Variants in SLC28A1 observed in about 807,000 individuals in gnomAD.
SLC28A1 encodes sodium/nucleoside cotransporter 1.
SLC28A1 carries 64 observed loss-of-function variants against 74.8 expected under a neutral mutation model. The ratio of observed to expected loss-of-function variants is 0.86; its 90% CI spans 0.70 to 1.05. The LOEUF (loss-of-function observed/expected upper bound fraction) is 1.05. SLC28A1 is among the 50% of genes least tolerant of loss of function. The probability of loss-of-function intolerance (pLI) is 0.00; values close to 1 mark genes in which losing one functional copy is unlikely to be tolerated. For synonymous variants in SLC28A1, 359 were observed against 335.0 expected (o/e 1.07, Z -0.78); for missense variants, 828 against 822.8 (o/e 1.01, Z -0.08).
chr15:84,901,161 C>T lies in SLC28A1; in HGVS notation c.462-2936C>T, dbSNP rs190489646. Among the ~76,000 whole-genome samples, 25 of 151,942 alleles carry T rather than the reference C, an allele frequency of 1.6e-4. 1 individual carries two copies. The East Asian group carries it at 4.1e-3, about 25-fold the overall frequency. Reference sequence around the variant, plus strand: ...CGCTTGAACGTGGGAGGCAGAGCCACGGTGCCTGGCCTTGTCATAAATCTT... The same window carrying T: ...CGCTTGAACGTGGGAGGCAGAGCCATGGTGCCTGGCCTTGTCATAAATCTT... On this transcript the variant is annotated intron_variant, in intron 6 of 18. Transcript: ENST00000394573.
At chr15:84,945,011 A>C (rs1252731185) in intron 18 of SLC28A1, 114 bp from the exon 19 acceptor site, 2 of 1,135,582 alleles carry the variant, frequency 1.8e-6, no homozygotes, top group Non-Finnish European at 1.3e-6. Context: ...TCGAGGACCA[A>C]TGGAGGAAGG....
intron 12 of SLC28A1, among the ~76,000 whole-genome samples, chr15:84,929,830 C>T (rs1230865915): frequency 6.6e-6 from 1 of 152,242 alleles, no homozygotes. Flanking sequence ...CCATTACACT[C>T]CAGCCTGGGT....
intron 2 of SLC28A1, chr15:84,887,310 C>T: frequency 4.1e-6 from 4 of 977,808 alleles, no homozygotes; most frequent in Non-Finnish European, 4.9e-6. Flanking sequence ...TCTTTACTTT[C>T]CTTCCCTATG....
intron 9 of SLC28A1, among the ~76,000 whole-genome samples, chr15:84,913,936 A>G (rs1023688304): frequency 1.3e-5 from 2 of 151,922 alleles, no homozygotes; most frequent in Non-Finnish European, 2.9e-5. Context: ...AGCTCTCTGG[A>G]GCCTCTTTTA....
downstream of SLC28A1, among the ~76,000 whole-genome samples, chr15:84,949,847 G>A (rs537309641): frequency 1.9e-4 from 28 of 150,334 alleles, no homozygotes; most frequent in Non-Finnish European, 3.7e-4. Context: ...GATCATAAAG[G>A]CACTATCTCT....
intron 9 of SLC28A1, among the ~76,000 whole-genome samples, chr15:84,916,991 G>A (rs994921166): frequency 1.5e-5 from 2 of 130,354 alleles, no homozygotes; most frequent in African/African-American, 5.7e-5. Context: ...TCGTACCACT[G>A]TACTCCAGCC....
chr15:84,894,856 T>A, intron 5 of SLC28A1, 84 bp from the exon 6 acceptor site: 1 of 1,331,242 alleles, frequency 7.5e-7, no homozygotes. Flanking sequence ...CTGGGTGGAG[T>A]AAGGTGGAGT....
chr15:84,917,044 A>G (rs957106000), intron 9 of SLC28A1, among the ~76,000 whole-genome samples: 5 of 81,166 alleles, frequency 6.2e-5, no homozygotes, highest in Non-Finnish European at 1.3e-4. Flanking sequence ...AAAAAAATAA[A>G]TAAAAAAGGT....
chr15:84,950,031 G>C (rs1439903535), downstream of SLC28A1, among the ~76,000 whole-genome samples: 1 of 152,164 alleles, frequency 6.6e-6, no homozygotes, highest in East Asian at 1.9e-4. Context: ...GGTGGAATGG[G>C]GACAATTTGC....
At position 84,887,789 on chromosome 15, in the gene SLC28A1, A is replaced by G. The variant is rs780827018; in HGVS notation, c.29A>G (p.Glu10Gly). The change falls in exon 3 of 19, where the codon GAG becomes GGG. Residue 10 changes from glutamate to glycine, a missense_variant. Physicochemically the swap from Glu to Gly is moderately conservative, Grantham distance 98. Around this residue, in one of 3 missense-constraint regions of SLC28A1, gnomAD observed 767 missense variants for 753.5 expected, o/e 1.02. Coordinates refer to ENST00000394573, the MANE Select transcript of SLC28A1 (RefSeq NM_004213.5). MENDPSRRR[E>G]SISLTPVAKG... ...GAGAACGACCCCTCGAGACGAAGAGAGTCCATCTCTCTCACACCTGTGGCC... is the reference window on the plus strand; with the variant it reads ...GAGAACGACCCCTCGAGACGAAGAGGGTCCATCTCTCTCACACCTGTGGCC... The G allele has an allele frequency of 1.9e-6, 3 of 1,613,964 alleles. No individual in the cohort carries two copies. In the East Asian group the frequency reaches 6.7e-5, roughly 36 times the overall value.
At chr15:84,898,862 G>A (rs1339603529) in intron 6 of SLC28A1, among the ~76,000 whole-genome samples, 1 of 152,250 alleles carries the variant, frequency 6.6e-6, no homozygotes, top group East Asian at 1.9e-4. Context: ...GATTCCCTAA[G>A]TTGAAGAGAC....
intron 9 of SLC28A1, among the ~76,000 whole-genome samples, chr15:84,914,674 A>G (rs981012054): frequency 6.6e-6 from 1 of 152,196 alleles, no homozygotes; most frequent in African/African-American, 2.4e-5. Context: ...TGGTTGGCAC[A>G]CAGTGGAATT....
intron 7 of SLC28A1, among the ~76,000 whole-genome samples, chr15:84,905,050 C>T (rs1567137167): frequency 6.6e-6 from 1 of 152,230 alleles, no homozygotes; most frequent in Admixed American, 6.5e-5. Flanking sequence ...ACCTGAGGAG[C>T]CCAGCTCTTG....
chr15:84,939,746 T>TA (rs1331844388), intron 15 of SLC28A1: 1 of 152,284 alleles, frequency 6.6e-6, no homozygotes, highest in African/African-American at 2.4e-5. Flanking sequence ...TTTTTTTAAT[T>TA]AAAAAAATTG....
chr15:84,946,744 C>T (rs571877321), downstream of SLC28A1, among the ~76,000 whole-genome samples: 1 of 152,262 alleles, frequency 6.6e-6, no homozygotes, highest in Non-Finnish European at 1.5e-5. Context: ...CCTCCCCACC[C>T]CAAGCCCTCT....
chr15:84,896,361 G>A (rs1054913159), intron 6 of SLC28A1, among the ~76,000 whole-genome samples: 1 of 152,214 alleles, frequency 6.6e-6, no homozygotes, highest in Admixed American at 6.5e-5. Context: ...TAGCCATCAT[G>A]GAAATGCAAA....
At chr15:84,926,364 A>ATTTTT (rs35383548) in intron 12 of SLC28A1, among the ~76,000 whole-genome samples, 1 of 130,368 alleles carries the variant, frequency 7.7e-6, no homozygotes, top group South Asian at 2.5e-4. Flanking sequence ...ACCCCTGGCT[A>ATTTTT]TTTTTTTTTT....
At chr15:84,917,333 C>A (rs531495388) in intron 9 of SLC28A1, among the ~76,000 whole-genome samples, 9 of 152,304 alleles carry the variant, frequency 5.9e-5, no homozygotes, top group African/African-American at 2.2e-4. Context: ...TCATCCCTGG[C>A]CCCCAAGGCA....
intron 12 of SLC28A1, among the ~76,000 whole-genome samples, chr15:84,932,579 T>G (rs1971447005): frequency 6.6e-6 from 1 of 152,336 alleles, no homozygotes; most frequent in Non-Finnish European, 1.5e-5. Flanking sequence ...ACAGTAAGCA[T>G]TCAAAGAGAG....
Sources: gnomAD v4.1 joint callset for allele counts (sites outside exome capture counted in the v4.1 genomes callset) on GRCh38, gnomAD v4.1.1 for gene constraint, gnomAD v4.1.1 regional missense constraint, MANE v1.5 for transcripts, NCBI Gene and HGNC (gene_info 2026-07-23, HGNC 2026-07-21) for gene names.